R3HCC1: variants seen among roughly 807,000 people sequenced by gnomAD.
R3HCC1 encodes R3H domain and coiled-coil containing 1, also known as R3H and coiled-coil domain-containing protein 1.
R3HCC1 carries 32 observed loss-of-function variants against 40.0 expected under a neutral mutation model. The ratio of observed to expected loss-of-function variants is 0.80; its 90% CI spans 0.60 to 1.07. The LOEUF is 1.07. Ranked by LOEUF, R3HCC1 falls within the 50% of genes least tolerant of loss-of-function variation. R3HCC1 has a pLI of 0.00. For missense variants in R3HCC1, 586 were observed against 563.3 expected (o/e 1.04, Z -0.41); for synonymous variants, 237 against 232.8 (o/e 1.02, Z -0.17).
intron 7 of R3HCC1, 113 bp downstream of exon 7, chr8:23,294,977 T>G: frequency 2.5e-6 from 2 of 803,308 alleles, no homozygotes; most frequent in Non-Finnish European, 2.1e-6. Flanking sequence ...TCCCCTCTGT[T>G]AATTCTTCCC....
chr8:23,295,489 T>G (rs1309875272), intron 7 of R3HCC1: 1 of 457,836 alleles, frequency 2.2e-6, no homozygotes, highest in Non-Finnish European at 4.4e-6. Flanking sequence ...AGACACGAGT[T>G]TTCCATGACT....
In R3HCC1 at chr8:23,290,373, G is replaced by C; in HGVS notation, c.756G>C (p.Lys252Asn). ...AGGGGAAGGAGAGTCTGTTGGAGAA[G>C]AGGCTGGTGGCAGAGGAGGAAGAGG... Residue 252 changes from lysine to asparagine, a missense_variant, in exon 4 of 8, where the codon AAG becomes AAC. Coordinates refer to ENST00000265806, the MANE Select transcript of R3HCC1 (RefSeq NM_001136108.3). The C allele has an allele frequency of 6.4e-7, 1 of 1,551,854 alleles. No homozygotes were observed. The highest frequency in any genetic ancestry group is 8.7e-7 in the Non-Finnish European group (1 of 1,147,038).
At position 23,289,902 on chromosome 8, in the gene R3HCC1, C is replaced by G. The variant is rs747098019; in HGVS notation, c.285C>G (p.Arg95=). The G allele has an allele frequency of 6.5e-7, 1 of 1,531,788 alleles. No homozygotes were observed. The allele number at this position is 1,531,788 out of a possible 1,614,324, so 94.9% of individuals were successfully genotyped here. A position where few individuals can be genotyped will look rare whatever the true frequency, so the allele number is the denominator to read the frequency against. The change falls in exon 4 of 8, where the codon CGC becomes CGG. Residue 95 remains arginine, a synonymous_variant. Transcript: ENST00000265806. The stretch of plus-strand genomic sequence containing the variant: ...CGGATGGCCTCTCTGGCCCCTGCCG[C>G]GCTCCTGCCTCCTGCCCCAGCAGGT...
At chr8:23,290,647 C>T (rs1802847624) in intron 4 of R3HCC1, among the ~76,000 whole-genome samples, 178 bp downstream of exon 4, 1 of 151,900 alleles carries the variant, frequency 6.6e-6, no homozygotes, top group Non-Finnish European at 1.5e-5. Context: ...GGATTTGGGT[C>T]CCAGCCCAGC....
chr8:23,288,464 G>A, intron 1 of R3HCC1, 42 bp from the exon 2 acceptor site: 2 of 1,532,180 alleles, frequency 1.3e-6, no homozygotes, highest in East Asian at 2.5e-5. Flanking sequence ...GAGATCCGGG[G>A]GTCTGTGCTC....
At position 23,290,445 on chromosome 8, in the gene R3HCC1, C is replaced by T. The variant is rs553614343; in HGVS notation, c.828C>T (p.Asp276=). ...ATGGCCCCAGCAGCTGCTCGGAGGACGATTACAGTGAGCTGCTGCAGGAGG... is the reference window on the plus strand; with the variant it reads ...ATGGCCCCAGCAGCTGCTCGGAGGATGATTACAGTGAGCTGCTGCAGGAGG... Residue 276 remains aspartate, a synonymous_variant, in exon 4 of 8, where the codon GAC becomes GAT. Transcript: ENST00000265806. 3.2e-4 allele frequency: 496 copies of T among 1,550,540 alleles called. No homozygotes were observed. In the African/African-American group the frequency reaches 5.2e-3, roughly 16 times the overall value.
chr8:23,294,912 T>C lies in R3HCC1; in HGVS notation c.1192+48T>C, dbSNP rs774929927. ...AATAGGGAGGCTGTGTGTGTGTGTGTGCGTGCGAGCATGTGTGTGTGTGCG... is the reference window on the plus strand; with the variant it reads ...AATAGGGAGGCTGTGTGTGTGTGTGCGCGTGCGAGCATGTGTGTGTGTGCG... On this transcript the variant is annotated intron_variant, in intron 7 of 7. Coordinates refer to ENST00000265806, the MANE Select transcript of R3HCC1 (RefSeq NM_001136108.3). The C allele has an allele frequency of 3.7e-5, 48 of 1,299,412 alleles. No individual in the cohort carries two copies. In the East Asian group the frequency reaches 6.1e-4, roughly 16 times the overall value. 80.5% of individuals were successfully genotyped at this position (1,299,412 alleles called of 1,614,324 possible).
chr8:23,291,598 G>GTGC, intron 5 of R3HCC1, 65 bp downstream of exon 5: 1 of 1,532,128 alleles, frequency 6.5e-7, no homozygotes, highest in Admixed American at 2.0e-5. Context: ...GTAGCTGGGG[G>GTGC]TGCTTGCCTG....
intron 6 of R3HCC1, 73 bp from the exon 7 acceptor site, chr8:23,294,696 G>T: frequency 8.7e-7 from 1 of 1,146,778 alleles, no homozygotes; most frequent in Non-Finnish European, 1.3e-6. Context: ...CGGCTGCAGG[G>T]GTTCGGGGTG....
intron 6 of R3HCC1, among the ~76,000 whole-genome samples, chr8:23,293,752 A>T (rs913667777): frequency 6.6e-6 from 1 of 152,204 alleles, no homozygotes; most frequent in Non-Finnish European, 1.5e-5. Flanking sequence ...AAGTAGACAC[A>T]TTCTTACTCG....
intron 7 of R3HCC1, 29 bp downstream of exon 7, chr8:23,294,893 G>A: frequency 6.7e-7 from 1 of 1,491,306 alleles, no homozygotes; most frequent in Non-Finnish European, 9.2e-7. Flanking sequence ...CCTGAATAGG[G>A]AGGCTGTGTG....
At chr8:23,292,420 T>C (rs1287215539) in intron 5 of R3HCC1, among the ~76,000 whole-genome samples, 1 of 152,128 alleles carries the variant, frequency 6.6e-6, no homozygotes, top group East Asian at 1.9e-4. Flanking sequence ...CTGGCTAATA[T>C]GGTGAAACCC....
In R3HCC1 at chr8:23,294,820, C is replaced by G. The variant is rs944392405; in HGVS notation, c.1148C>G (p.Thr383Arg). Residue 383 changes from threonine to arginine, a missense_variant, in exon 7 of 8, where the codon ACA becomes AGA. Coordinates refer to ENST00000265806, the MANE Select transcript of R3HCC1 (RefSeq NM_001136108.3). ...TCGGTGCTCAAGATCCGGCCCCTCA[C>G]ACAGGGAACCAAGCAGTCAAAGCTC... 1.3e-6 allele frequency: 2 copies of G among 1,551,456 alleles called. No homozygotes were observed. The highest frequency in any genetic ancestry group is 1.4e-5 in the African/African-American group (1 of 73,114).
chr8:23,294,683 A>G, intron 6 of R3HCC1, 86 bp from the exon 7 acceptor site: 1 of 1,007,958 alleles, frequency 9.9e-7, no homozygotes, highest in East Asian at 2.7e-5. Flanking sequence ...TAGGTGCACA[A>G]CACGGCTGCA....
chr8:23,294,755 C>A lies in R3HCC1; in HGVS notation c.1097-14C>A. 6.5e-7 allele frequency: 1 copy of A among 1,549,656 alleles called. No homozygotes were observed. The highest frequency in any genetic ancestry group is 2.4e-5 in the East Asian group (1 of 40,876). ...GGAGGAGGGAGTGGCTCCACGCCTGCTTTCTTTCCACAGCTGCGGAAGCCC... is the reference window on the plus strand; with the variant it reads ...GGAGGAGGGAGTGGCTCCACGCCTGATTTCTTTCCACAGCTGCGGAAGCCC... On this transcript the variant is annotated splice_polypyrimidine_tract_variant and intron_variant, in intron 6 of 7. Transcript: ENST00000265806.
chr8:23,292,474 C>T (rs577279563), intron 5 of R3HCC1, among the ~76,000 whole-genome samples: 60 of 152,218 alleles, frequency 3.9e-4, no homozygotes, highest in African/African-American at 9.9e-4. Flanking sequence ...ATTAGCTGGG[C>T]GTGGTGGCAG....
chr8:23,289,909 G>T lies in R3HCC1; in HGVS notation c.292G>T (p.Ala98Ser). The T allele has an allele frequency of 6.5e-7, 1 of 1,534,044 alleles. No homozygotes were observed. The highest frequency in any genetic ancestry group is 8.7e-7 in the Non-Finnish European group (1 of 1,145,570). ...CCTCTCTGGCCCCTGCCGCGCTCCT[G>T]CCTCCTGCCCCAGCAGGTACCACGG... is the stretch of plus-strand genomic sequence containing the variant. Residue 98 changes from alanine to serine, a missense_variant, in exon 4 of 8, where the codon GCC (alanine) becomes TCC (serine). Coordinates refer to ENST00000265806, the MANE Select transcript of R3HCC1 (RefSeq NM_001136108.3).
intron 3 of R3HCC1, among the ~76,000 whole-genome samples, chr8:23,289,572 T>C (rs1465321783): frequency 1.3e-5 from 2 of 152,184 alleles, no homozygotes; most frequent in South Asian, 2.1e-4. Flanking sequence ...GACATGTTTT[T>C]CTGATAGCAT....
rs1374559664 is a variant in R3HCC1 at position 23,289,041 on chromosome 8, A to G, written c.136A>G (p.Ser46Gly). The G allele has an allele frequency of 5.2e-6, 8 of 1,536,508 alleles. No homozygotes were observed. In the Admixed American group the frequency reaches 1.6e-4, roughly 30 times the overall value. ...GGTTCTTCTTTTCCCCCCACTCTCCAGTCGCCTCCGGTACCTGATCCATAG... is the reference window on the plus strand; with the variant it reads ...GGTTCTTCTTTTCCCCCCACTCTCCGGTCGCCTCCGGTACCTGATCCATAG... Residue 46 changes from serine (S) to glycine (G), a missense_variant, in exon 3 of 8, where the codon AGT becomes GGT. Coordinates refer to ENST00000265806, the MANE Select transcript of R3HCC1 (RefSeq NM_001136108.3).
Sources: gnomAD v4.1 joint callset for allele counts (sites outside exome capture counted in the v4.1 genomes callset) on GRCh38, gnomAD v4.1.1 for gene constraint, MANE v1.5 for transcripts, NCBI Gene and HGNC (gene_info 2026-07-23, HGNC 2026-07-21) for gene names.